SCGN: variants seen among roughly 807,000 people sequenced by gnomAD.
SCGN encodes the protein secretagogin, EF-hand calcium binding protein.
Under a neutral mutation model 39.7 loss-of-function variants are expected in SCGN, and 30 were observed. The observed-to-expected ratio is 0.76, with a 90% confidence interval of 0.57 to 1.03. The LOEUF is 1.03. Ranked by LOEUF, SCGN falls within the 50% of genes least tolerant of loss-of-function variation. SCGN has a pLI of 0.00. For missense variants in SCGN, 353 were observed against 349.4 expected (o/e 1.01, Z -0.08); for synonymous variants, 106 against 114.1 (o/e 0.93, Z 0.45).
intron 10 of SCGN, among the ~76,000 whole-genome samples, chr6:25,692,093 C>T (rs563356796): frequency 6.6e-6 from 1 of 152,324 alleles, no homozygotes; most frequent in East Asian, 1.9e-4. Context: ...CTTGTCTCCT[C>T]TTTTCCTCAT....
At chr6:25,684,632 A>G (rs541699918) in intron 7 of SCGN, among the ~76,000 whole-genome samples, 6 of 152,124 alleles carry the variant, frequency 3.9e-5, no homozygotes, top group Non-Finnish European at 8.8e-5. Context: ...TGTGTCTACT[A>G]AAAATACAAA....
At chr6:25,660,605 A>G (rs1182772862) in intron 2 of SCGN, among the ~76,000 whole-genome samples, 1 of 152,230 alleles carries the variant, frequency 6.6e-6, no homozygotes, top group Non-Finnish European at 1.5e-5. Context: ...CTTGAGAAAT[A>G]CAAGTGAGAA....
chr6:25,669,103 T>A (rs1202634834), intron 4 of SCGN, among the ~76,000 whole-genome samples: 160 of 102,246 alleles, frequency 1.6e-3, no homozygotes, highest in Non-Finnish European at 2.6e-3. Context: ...AGAGCGAGAC[T>A]CCGTCTCAAA....
chr6:25,674,572 T>C (rs1030721087), intron 6 of SCGN, among the ~76,000 whole-genome samples: 2 of 152,254 alleles, frequency 1.3e-5, no homozygotes, highest in African/African-American at 4.8e-5. Flanking sequence ...ATGGCAATAC[T>C]GTATTAAAGA....
intron 7 of SCGN, 99 bp downstream of exon 7, chr6:25,682,105 CTGG>C: frequency 1.2e-6 from 1 of 867,664 alleles, no homozygotes; most frequent in Non-Finnish European, 1.9e-6. Context: ...CAAGCCTCAC[CTGG>C]AGTCTAAAAG....
At chr6:25,677,297 C>T (rs1759576668) in intron 6 of SCGN, among the ~76,000 whole-genome samples, 1 of 152,070 alleles carries the variant, frequency 6.6e-6, no homozygotes, top group South Asian at 2.1e-4. Flanking sequence ...TATTTGTTTA[C>T]CTATAATTCA....
chr6:25,669,934 C>T (rs1759472744), intron 5 of SCGN, 65 bp from the exon 6 acceptor site: 2 of 1,290,830 alleles, frequency 1.5e-6, no homozygotes, highest in Non-Finnish European at 2.2e-6. Flanking sequence ...GAAATAAGGC[C>T]TTTTAAGACC....
chr6:25,669,539 G>C lies in SCGN; in HGVS notation c.365G>C (p.Ser122Thr). 6.2e-7 allele frequency: 1 copy of C among 1,613,752 alleles called. No individual in the cohort carries two copies. Among genetic ancestry groups the C allele is most frequent in the Non-Finnish European group, 8.5e-7 (1 of 1,179,676 alleles). The change falls in exon 5 of 11, where the codon AGT becomes ACT. Residue 122 changes from serine (S) to threonine (T), a missense_variant. Physicochemically the swap from Ser to Thr is moderately conservative, Grantham distance 58 (BLOSUM62 1). Transcript: ENST00000377961. Reference protein sequence around the residue: ...QIWRKYDADSSGFISAAELRN... With the variant: ...QIWRKYDADSTGFISAAELRN... ...TGGCGCAAATATGACGCTGACAGCAGTGGCTTTATATCAGCTGCTGAGCTC... is the reference window on the plus strand; with the variant it reads ...TGGCGCAAATATGACGCTGACAGCACTGGCTTTATATCAGCTGCTGAGCTC...
chr6:25,653,472 G>A lies in SCGN; in HGVS notation c.153+20G>A, dbSNP rs544581648. 8.8e-6 allele frequency: 14 copies of A among 1,589,664 alleles called. No homozygotes were observed. The East Asian group carries it at 1.3e-4, about 15-fold the overall frequency. On this transcript the variant is annotated intron_variant, in intron 2 of 10. Transcript: ENST00000377961. ...ACTGATGTAAGTACTTGCACACTAA[G>A]CCTTAATTTATGCCTCTTAGTAAGA...
chr6:25,657,048 T>G (rs1020175394), intron 2 of SCGN, among the ~76,000 whole-genome samples: 1 of 152,176 alleles, frequency 6.6e-6, no homozygotes, highest in Non-Finnish European at 1.5e-5. Flanking sequence ...GTGATTTCCA[T>G]TGTGCTTTTC....
chr6:25,653,597 T>C (rs62393710), intron 2 of SCGN, 145 bp downstream of exon 2: 21,211 of 615,278 alleles, frequency 0.034, 612 homozygotes, highest in South Asian at 0.1. Flanking sequence ...CCTAGCAACA[T>C]AGAGGGATTT....
chr6:25,669,517 C>T lies in SCGN; in HGVS notation c.343C>T (p.Arg115Cys), dbSNP rs776154492. 16 of 1,612,612 alleles carry T rather than the reference C, an allele frequency of 9.9e-6. No individual in the cohort carries two copies. Among genetic ancestry groups the T allele is most frequent in the Middle Eastern group, 1.7e-4 (1 of 6,058 alleles). ...DSSVEFMQIW[R>C]KYDADSSGFI... ...TGACTTTTGTGTATTTCAGATTTGGCGCAAATATGACGCTGACAGCAGTGG... is the reference window on the plus strand; with the variant it reads ...TGACTTTTGTGTATTTCAGATTTGGTGCAAATATGACGCTGACAGCAGTGG... Residue 115 changes from arginine to cysteine, a missense_variant, in exon 5 of 11, where the codon CGC becomes TGC. Arg to Cys is a radical substitution (Grantham distance 180). Transcript: ENST00000377961.
chr6:25,669,310 T>A (rs937385037), intron 4 of SCGN, among the ~76,000 whole-genome samples: 3 of 152,140 alleles, frequency 2.0e-5, no homozygotes, highest in African/African-American at 4.8e-5. Context: ...CCTCCTTAAG[T>A]GGCTCCAAGT....
chr6:25,652,437 T>C lies in SCGN; in HGVS notation c.34T>C (p.Leu12=). ...DSSREPTLGR[L]DAAGFWQVWQ... Reference sequence around the variant, plus strand: ...CTCCCGGGAACCGACTCTGGGGCGCTTGGACGCCGCTGGCTTCTGGCAGGT... The same window carrying C: ...CTCCCGGGAACCGACTCTGGGGCGCCTGGACGCCGCTGGCTTCTGGCAGGT... The change falls in exon 1 of 11, where the codon TTG becomes CTG. Residue 12 remains leucine, a synonymous_variant. Coordinates refer to ENST00000377961, the MANE Select transcript of SCGN (RefSeq NM_006998.4). The C allele has an allele frequency of 6.2e-7, 1 of 1,614,144 alleles. No individual in the cohort carries two copies. Among genetic ancestry groups the C allele is most frequent in the Non-Finnish European group, 8.5e-7 (1 of 1,180,022 alleles).
intron 6 of SCGN, among the ~76,000 whole-genome samples, chr6:25,671,618 A>T (rs4712953): frequency 0.27 from 40,398 of 152,170 alleles, 5,406 homozygotes; most frequent in Middle Eastern, 0.28. Context: ...GGAAATCCTG[A>T]GTAAATATGT....
chr6:25,696,166 A>G (rs1236869558), intron 10 of SCGN, among the ~76,000 whole-genome samples: 1 of 152,202 alleles, frequency 6.6e-6, no homozygotes, highest in Non-Finnish European at 1.5e-5. Flanking sequence ...GTGCCTCTCT[A>G]AAGAGCTAGC....
chr6:25,698,402 A>G (rs1056445068), intron 10 of SCGN, among the ~76,000 whole-genome samples: 8 of 152,252 alleles, frequency 5.3e-5, no homozygotes, highest in Non-Finnish European at 1.2e-4. Flanking sequence ...AGTTTGAATG[A>G]GGTAAATACA....
At chr6:25,684,590 T>C (rs1255086265) in intron 7 of SCGN, among the ~76,000 whole-genome samples, 2 of 152,134 alleles carry the variant, frequency 1.3e-5, no homozygotes, top group African/African-American at 2.4e-5. Flanking sequence ...AGGTCAGAGT[T>C]TGAGGCCAGC....
chr6:25,700,822 A>C (rs1038608298), intron 10 of SCGN, among the ~76,000 whole-genome samples: 1 of 152,174 alleles, frequency 6.6e-6, no homozygotes. Flanking sequence ...CAGAGGCACA[A>C]AAATCTCCTA....
Sources: gnomAD v4.1 joint callset for allele counts (sites outside exome capture counted in the v4.1 genomes callset) on GRCh38, gnomAD v4.1.1 for gene constraint, MANE v1.5 for transcripts, NCBI Gene and HGNC (gene_info 2026-07-23, HGNC 2026-07-21) for gene names.